HERC2: variants seen among roughly 807,000 people sequenced by gnomAD.
HERC2 encodes HECT and RLD domain containing E3 ubiquitin protein ligase 2.
A neutral mutation model predicts 537.7 loss-of-function variants in HERC2; 102 were observed. That is an observed-to-expected ratio of 0.19 (90% CI 0.16 to 0.22). The LOEUF (loss-of-function observed/expected upper bound fraction) is 0.22. Among genes scored for constraint, HERC2 ranks in the 10% least tolerant of loss-of-function variants. The pLI is 1.00. For synonymous variants in HERC2, 2,224 were observed against 2,466.2 expected, an observed-to-expected ratio of 0.90 and a Z score of 2.91; for missense variants, 4,236 against 6,198.2, an observed-to-expected ratio of 0.68 and a Z score of 10.63.
At chr15:28,150,487 C>A (rs981932947) in intron 70 of HERC2, among the ~76,000 whole-genome samples, 1 of 150,924 alleles carries the variant, frequency 6.6e-6, no homozygotes, top group Admixed American at 6.6e-5. Flanking sequence ...AAAAAACACA[C>A]GCAGCTTCTA....
In HERC2 at chr15:28,192,081, C is replaced by T; in HGVS notation, c.8331G>A (p.Met2777Ile). 6.2e-7 allele frequency: 1 copy of T among 1,614,046 alleles called. No individual in the cohort carries two copies. The change falls in exon 53 of 93, where the codon ATG (methionine) becomes ATA (isoleucine). Residue 2777 changes from methionine to isoleucine, a missense_variant. Transcript: ENST00000261609. Reference sequence around the variant, plus strand: ...CCATGCGGGACCAGCTGTCCAGCAGCATGCCTGGCTGGCTGCTGTGGCAAC... The same window carrying T: ...CCATGCGGGACCAGCTGTCCAGCAGTATGCCTGGCTGGCTGCTGTGGCAAC... ...LKRCHSSQPG[M>I]LLDSWSRMVK...
chr15:28,238,447 C>T (rs1402526745), intron 24 of HERC2, among the ~76,000 whole-genome samples, 155 bp downstream of exon 24: 2 of 152,088 alleles, frequency 1.3e-5, no homozygotes, highest in Non-Finnish European at 2.9e-5. Flanking sequence ...TTCAAATGTG[C>T]TGAATTTGTT....
intron 52 of HERC2, among the ~76,000 whole-genome samples, chr15:28,193,595 A>C (rs1897057535): frequency 6.6e-6 from 1 of 152,204 alleles, no homozygotes; most frequent in African/African-American, 2.4e-5. Flanking sequence ...AACAGACAAC[A>C]GATATCATGC....
In HERC2 at chr15:28,248,710, C is replaced by T. The variant is rs1191880893; in HGVS notation, c.3077G>A (p.Arg1026Lys). Residue 1026 changes from arginine to lysine, a missense_variant, in exon 21 of 93, where the codon AGA (arginine) becomes AAA (lysine). Physicochemically the swap from Arg to Lys is conservative, Grantham distance 26 (BLOSUM62 2). This residue lies in a region of HERC2 where 754 missense variants were observed against 1,085.0 expected (regional missense o/e 0.69). Transcript: ENST00000261609. ...LRNIASQTVARLKDVARRISS... is the reference protein window; with the variant it reads ...LRNIASQTVAKLKDVARRISS... Reference sequence around the variant, plus strand: ...AATCCGACGGGCAACATCTTTCAATCTGGCTACAGTCTGAGAAGCAATGTT... The same window carrying T: ...AATCCGACGGGCAACATCTTTCAATTTGGCTACAGTCTGAGAAGCAATGTT... 2 of 1,614,050 alleles carry T rather than the reference C, an allele frequency of 1.2e-6. No individual in the cohort carries two copies. The highest frequency in any genetic ancestry group is 2.7e-5 in the African/African-American group (2 of 75,056).
intron 70 of HERC2, among the ~76,000 whole-genome samples, chr15:28,148,563 G>A (rs962921434): frequency 4.6e-5 from 7 of 152,116 alleles, no homozygotes; most frequent in Non-Finnish European, 1.0e-4. Context: ...CCCCTTACCC[G>A]AGAACATCAC....
At chr15:28,251,054 T>C (rs1018460107) in intron 20 of HERC2, among the ~76,000 whole-genome samples, 6 of 152,258 alleles carry the variant, frequency 3.9e-5, no homozygotes, top group Non-Finnish European at 7.4e-5. Flanking sequence ...GCAGCAAGGA[T>C]GAAGACACAG....
rs774838885 is a variant in HERC2, at chr15:28,238,604, AGAATACTATTTC to A, written c.3734_3745del (p.Gly1245_Leu1249delinsVal). On this transcript the variant is annotated inframe_deletion, in exon 24 of 93. Coordinates refer to ENST00000261609, the MANE Select transcript of HERC2 (RefSeq NM_004667.6). ...GGAAATAACAAGTGTAATCTTACCA[AGAATACTATTTC>A]CTGTTAACGACTGTGTCTGGAAGTC... The A allele has an allele frequency of 2.2e-5, 35 of 1,609,156 alleles. No homozygotes were observed. In the African/African-American group the frequency reaches 3.7e-4, roughly 17 times the overall value.
At chr15:28,238,536 C>G in intron 24 of HERC2, 66 bp downstream of exon 24, 1 of 1,339,440 alleles carries the variant, frequency 7.5e-7, no homozygotes, top group Non-Finnish European at 1.1e-6. Flanking sequence ...ATTTATAAGC[C>G]AAATACTCTG....
chr15:28,129,780 C>CTTTT lies in HERC2; in HGVS notation c.12802+379_12802+382dup, dbSNP rs36068402. ...AGGACACAGTATAAGCCTCTGCCTC[C>CTTTT]TTTTTTTTTTTTTTTTTGAGACAGT... On this transcript the variant is annotated intron_variant, in intron 83 of 92. Coordinates refer to ENST00000261609, the MANE Select transcript of HERC2 (RefSeq NM_004667.6). Among the ~76,000 whole-genome samples, 32 of 143,530 alleles carry CTTTT rather than the reference C, an allele frequency of 2.2e-4. 5 individuals carry two copies. Among genetic ancestry groups the CTTTT allele is most frequent in the African/African-American group, 2.3e-4 (9 of 38,874 alleles). 94.2% of individuals were successfully genotyped at this position (143,530 alleles called of 152,430 possible).
chr15:28,116,415 C>T (rs1888260895), intron 88 of HERC2, among the ~76,000 whole-genome samples: 1 of 151,994 alleles, frequency 6.6e-6, no homozygotes. Flanking sequence ...CGAGGTTTCA[C>T]CACATTAGTC....
At chr15:28,247,966 C>T (rs1265183116) in intron 21 of HERC2, among the ~76,000 whole-genome samples, 1 of 152,180 alleles carries the variant, frequency 6.6e-6, no homozygotes, top group Non-Finnish European at 1.5e-5. Context: ...CCAGCCGCTG[C>T]CCTGGATGCT....
intron 65 of HERC2, 69 bp from the exon 66 acceptor site, chr15:28,169,724 C>A: frequency 2.0e-6 from 3 of 1,490,034 alleles, no homozygotes; most frequent in Non-Finnish European, 2.7e-6. Context: ...TAAAATCTGA[C>A]CTTACAGGTT....
In HERC2 at chr15:28,113,615, A is replaced by C; in HGVS notation, c.13977T>G (p.Val4659=). ...VREGMARVVP[V]PLLSLFTGYE... is the part of the protein sequence containing the mutation. ...AGCCGGTGAACAGAGAGAGGAGGGG[A>C]ACAGGCACAACGCGGGCCATTCCTT... The change falls in exon 91 of 93, where the codon GTT becomes GTG. Residue 4659 remains valine, a synonymous_variant. Coordinates refer to ENST00000261609, the MANE Select transcript of HERC2 (RefSeq NM_004667.6). This position sits in a 1 kb window ranked among gnomAD's most constrained non-coding sequence, Gnocchi z 7.0. The C allele has an allele frequency of 6.2e-7, 1 of 1,614,186 alleles. No individual in the cohort carries two copies.
At chr15:28,229,651 A>G in intron 32 of HERC2, 23 bp downstream of exon 32, 2 of 1,607,476 alleles carry the variant, frequency 1.2e-6, no homozygotes, top group Non-Finnish European at 1.7e-6. Flanking sequence ...CAATGCAGAG[A>G]AGCATTTCTC....
chr15:28,169,681 T>C (rs898251169), intron 65 of HERC2, 26 bp from the exon 66 acceptor site: 1 of 1,592,284 alleles, frequency 6.3e-7, no homozygotes, highest in Admixed American at 1.8e-5. Flanking sequence ...AAAATTTGCA[T>C]TGTTTTTAAA....
chr15:28,314,421 T>A (rs1324125665), intron 2 of HERC2, among the ~76,000 whole-genome samples: 2 of 152,236 alleles, frequency 1.3e-5, no homozygotes, highest in African/African-American at 4.8e-5. Context: ...ATGCAGTATA[T>A]GACTTCACAG....
intron 4 of HERC2, among the ~76,000 whole-genome samples, chr15:28,291,911 A>G (rs2076325301): frequency 8.2e-4 from 8 of 9,702 alleles, no homozygotes; most frequent in South Asian, 3.4e-3. Context: ...TCTCAAAGGA[A>G]AAAAAAAAAA....
chr15:28,270,208 T>C (rs1219441947), intron 10 of HERC2, among the ~76,000 whole-genome samples: 1 of 151,734 alleles, frequency 6.6e-6, no homozygotes, highest in Non-Finnish European at 1.5e-5. Flanking sequence ...TATTTATAGA[T>C]AGATAGATAG....
intron 86 of HERC2, among the ~76,000 whole-genome samples, chr15:28,118,968 ATTC>A (rs1318137680): frequency 6.6e-6 from 1 of 152,144 alleles, no homozygotes; most frequent in Non-Finnish European, 1.5e-5. Flanking sequence ...TGTTTATCTG[ATTC>A]TTAAGAAGGC....
Sources: allele counts gnomAD v4.1 joint callset (sites outside exome capture counted in the v4.1 genomes callset), GRCh38; gene constraint gnomAD v4.1.1; regional missense constraint gnomAD v4.1.1; non-coding constraint Gnocchi (gnomAD v3.1); transcripts MANE v1.5; gene names NCBI Gene and HGNC (gene_info 2026-07-23, HGNC 2026-07-21).